Variants in ACSF2 observed in about 807,000 individuals in gnomAD.
The protein encoded by ACSF2 is medium-chain acyl-CoA ligase ACSF2, mitochondrial.
In ACSF2, 52 loss-of-function variants were observed where a neutral mutation model predicts 79.3. The ratio of observed to expected loss-of-function variants is 0.66; its 90% CI spans 0.53 to 0.83. The LOEUF (loss-of-function observed/expected upper bound fraction) is 0.83, where lower values mean the gene tolerates loss of function less well. ACSF2 is among the 40% of genes least tolerant of loss of function. The pLI is 0.00. For missense variants in ACSF2, 661 were observed against 803.3 expected (o/e 0.82, Z 2.14); for synonymous variants, 283 against 312.6 (o/e 0.91, Z 1.00).
At chr17:50,461,180 G>A in intron 2 of ACSF2, 62 bp from the exon 3 acceptor site, 1 of 1,609,208 alleles carries the variant, frequency 6.2e-7, no homozygotes, top group Admixed American at 1.7e-5. Flanking sequence ...GCTGAGGGTG[G>A]GAGTCTTGGG....
chr17:50,456,638 A>C (rs1210090341), intron 1 of ACSF2, among the ~76,000 whole-genome samples: 4 of 152,142 alleles, frequency 2.6e-5, no homozygotes, highest in Non-Finnish European at 5.9e-5. Flanking sequence ...AGGCTGAGGC[A>C]GGAGAATCGT....
intron 1 of ACSF2, among the ~76,000 whole-genome samples, chr17:50,440,657 A>T (rs376066463): frequency 3.3e-5 from 5 of 152,386 alleles, no homozygotes; most frequent in African/African-American, 9.6e-5. Flanking sequence ...TGAGTGTCAC[A>T]GAATGCCACA....
intron 1 of ACSF2, among the ~76,000 whole-genome samples, chr17:50,433,424 G>T (rs1015196506): frequency 6.6e-6 from 1 of 152,080 alleles, no homozygotes; most frequent in Admixed American, 6.5e-5. Flanking sequence ...GAGTAGCTGG[G>T]ATTACAAGCA....
chr17:50,464,798 C>A (rs1442021481), intron 10 of ACSF2: 13 of 340,348 alleles, frequency 3.8e-5, no homozygotes, highest in East Asian at 7.6e-5. Context: ...ACAGCTTCTC[C>A]AAGAGGAGCT....
rs563432753 is a variant in ACSF2 at position 50,444,497 on chromosome 17, A to G, written c.129-16180A>G. Among the ~76,000 whole-genome samples the G allele has an allele frequency of 4.4e-4, 67 of 152,156 alleles. 1 individual carries two copies. The highest frequency in any genetic ancestry group is 3.4e-3 in the Middle Eastern group (1 of 294). ...TTGAACCAGGGAGGTAGAAGTTGCA[A>G]TGAGCTGAGATCGCACCACTGCACT... is the stretch of plus-strand genomic sequence containing the variant. On this transcript the variant is annotated intron_variant, in intron 1 of 15. Coordinates refer to ENST00000300441, the MANE Select transcript of ACSF2 (RefSeq NM_025149.6).
At chr17:50,427,293 C>CT (rs1189153338) in intron 1 of ACSF2, among the ~76,000 whole-genome samples, 2 of 152,148 alleles carry the variant, frequency 1.3e-5, no homozygotes, top group African/African-American at 4.8e-5. Context: ...TTTAAAAAGG[C>CT]TAAGTAGGAA....
At chr17:50,457,658 C>T (rs933381325) in intron 1 of ACSF2, among the ~76,000 whole-genome samples, 1 of 152,166 alleles carries the variant, frequency 6.6e-6, no homozygotes, top group Non-Finnish European at 1.5e-5. Context: ...TCTTCTTTAC[C>T]GAATAGCCTT....
intron 6 of ACSF2, 195 bp from the exon 7 acceptor site, chr17:50,462,961 C>T (rs1375242245): frequency 9.9e-6 from 6 of 608,882 alleles, no homozygotes; most frequent in Admixed American, 3.0e-5. Context: ...GGCATGAGAA[C>T]GGAGACCTTA....
At position 50,473,677 on chromosome 17, in the gene ACSF2, A is replaced by G; in HGVS notation, c.1488A>G (p.Thr496=). The G allele has an allele frequency of 6.2e-7, 1 of 1,614,214 alleles. No homozygotes were observed. The highest frequency in any genetic ancestry group is 8.5e-7 in the Non-Finnish European group (1 of 1,180,042). ...GCTTTCCTTACAGAGATGTCGCCAC[A>G]ATGAATGAGCAGGGCTTCTGCAAGA... The part of the protein sequence containing the change: ...DKWYWTGDVA[T]MNEQGFCKIV... Residue 496 remains threonine, a synonymous_variant, in exon 13 of 16, where the codon ACA becomes ACG. Coordinates refer to ENST00000300441, the MANE Select transcript of ACSF2 (RefSeq NM_025149.6).
At chr17:50,459,676 G>A (rs1311715571) in intron 1 of ACSF2, among the ~76,000 whole-genome samples, 3 of 152,020 alleles carry the variant, frequency 2.0e-5, no homozygotes, top group Non-Finnish European at 4.4e-5. Context: ...GAGGAGATGG[G>A]TAGTTCCTGA....
intron 13 of ACSF2, 24 bp downstream of exon 13, chr17:50,473,830 C>A (rs759404684): frequency 6.2e-7 from 1 of 1,613,544 alleles, no homozygotes; most frequent in Non-Finnish European, 8.5e-7. Context: ...CTCAGGTGAG[C>A]CCCCAGAAAC....
intron 10 of ACSF2, chr17:50,467,779 G>A (rs560649413): frequency 2.5e-5 from 10 of 404,624 alleles, no homozygotes; most frequent in East Asian, 1.9e-4. Context: ...GCCCTAGGGG[G>A]CCTTTTGTGG....
At chr17:50,472,652 CATTAACCTGGCACCGTGAGG>C (rs2033176266) in intron 12 of ACSF2, 73 bp downstream of exon 12, 24 of 1,508,354 alleles carry the variant, frequency 1.6e-5, no homozygotes, top group Non-Finnish European at 2.0e-5. Flanking sequence ...GAGCCGGGAA[CATTAACCTGGCACCGTGAGG>C]ATGTGGGTAT....
Position 50,471,285 on chromosome 17 carries a change from G to T in ACSF2, c.1323+150G>T, listed in dbSNP as rs1403368021. 2 of 643,166 alleles carry T rather than the reference G, an allele frequency of 3.1e-6. No homozygotes were observed. Among genetic ancestry groups the T allele is most frequent in the East Asian group, 2.8e-5 (1 of 36,160 alleles). 39.8% of individuals were successfully genotyped at this position (643,166 alleles called of 1,614,324 possible). The stretch of plus-strand genomic sequence containing the variant: ...CAGCAGCAGGGGTGTGCTAGGCCTG[G>T]CCCGGAGTGTTCTCTGTGGGCTAAG... On this transcript the variant is annotated intron_variant, in intron 11 of 15. Transcript: ENST00000300441. The surrounding 1 kb of genome is among the most constrained non-coding windows in gnomAD (Gnocchi z 4.1).
chr17:50,465,544 A>G, intron 10 of ACSF2: 1 of 1,491,746 alleles, frequency 6.7e-7, no homozygotes, highest in Non-Finnish European at 9.1e-7. Flanking sequence ...GGATAGTCTG[A>G]AGCTGTCATC....
chr17:50,456,689 G>T (rs1370276748), intron 1 of ACSF2, among the ~76,000 whole-genome samples: 1 of 151,676 alleles, frequency 6.6e-6, no homozygotes, highest in African/African-American at 2.4e-5. Flanking sequence ...CCGAGATCAC[G>T]CCATTGCACT....
chr17:50,444,115 T>G (rs1449121031), intron 1 of ACSF2, among the ~76,000 whole-genome samples: 1 of 152,230 alleles, frequency 6.6e-6, no homozygotes, highest in Non-Finnish European at 1.5e-5. Context: ...ATTTGTTCTA[T>G]TTTCTCTTCT....
chr17:50,464,263 T>C lies in ACSF2; in HGVS notation c.1184T>C (p.Ile395Thr). 2 of 1,614,038 alleles carry C rather than the reference T, an allele frequency of 1.2e-6. No homozygotes were observed. Among genetic ancestry groups the C allele is most frequent in the Non-Finnish European group, 1.7e-6 (2 of 1,180,028 alleles). ...SPAPPELIRA[I>T]INKINMKDLV... ...GCACCTCCAGAGTTGATCCGAGCCA[T>C]CATCAACAAGATAAATATGAAGGAC... is the stretch of plus-strand genomic sequence containing the variant. The change falls in exon 10 of 16, where the codon ATC becomes ACC. Residue 395 changes from isoleucine (I) to threonine (T), a missense_variant. Transcript: ENST00000300441.
At position 50,463,979 on chromosome 17, in the gene ACSF2, G is replaced by C. The variant is rs935815195; in HGVS notation, c.1138+70G>C. 29 of 1,240,988 alleles carry C rather than the reference G, an allele frequency of 2.3e-5. No individual in the cohort carries two copies. The Middle Eastern group carries it at 9.3e-4, about 40-fold the overall frequency. 76.9% of individuals were successfully genotyped at this position (1,240,988 alleles called of 1,614,324 possible). On this transcript the variant is annotated intron_variant, in intron 9 of 15. Transcript: ENST00000300441. This position sits in a 1 kb window ranked among gnomAD's most constrained non-coding sequence, Gnocchi z 4.6. ...TCCCCCACAGGAATGGCCCGGGTGA[G>C]TTAGCTATGCTCCCAGTCTTTTATA... is the stretch of plus-strand genomic sequence containing the variant.
Sources: allele counts gnomAD v4.1 joint callset (sites outside exome capture counted in the v4.1 genomes callset), GRCh38; gene constraint gnomAD v4.1.1; non-coding constraint Gnocchi (gnomAD v3.1); transcripts MANE v1.5; gene names NCBI Gene and HGNC (gene_info 2026-07-23, HGNC 2026-07-21).